SLC16A7: variants seen among roughly 807,000 people sequenced by gnomAD.
The protein encoded by SLC16A7 is monocarboxylate transporter 2.
Under a neutral mutation model 34.9 loss-of-function variants are expected in SLC16A7, and 33 were observed. That is an observed-to-expected ratio of 0.94 (90% CI 0.72 to 1.26). The LOEUF (loss-of-function observed/expected upper bound fraction) is 1.26. Among genes scored for constraint, SLC16A7 ranks in the 50% most tolerant of loss-of-function variants. The probability of loss-of-function intolerance (pLI) is 0.00; values close to 1 mark genes in which losing one functional copy is unlikely to be tolerated. For synonymous variants in SLC16A7, 201 were observed against 206.6 expected (o/e 0.97, Z 0.23); for missense variants, 573 against 578.1 (o/e 0.99, Z 0.09).
At chr12:59,627,257 G>GA (rs1879969333) in intron 1 of SLC16A7, among the ~76,000 whole-genome samples, 1 of 151,678 alleles carries the variant, frequency 6.6e-6, no homozygotes, top group Non-Finnish European at 1.5e-5. Flanking sequence ...CCTCAATGAT[G>GA]AAAAAAATCC....
chr12:59,621,365 G>A (rs1181206628), intron 1 of SLC16A7, among the ~76,000 whole-genome samples: 3 of 151,826 alleles, frequency 2.0e-5, no homozygotes, highest in Admixed American at 6.6e-5. Flanking sequence ...GATGATTTCT[G>A]GATTCCCTGG....
intron 2 of SLC16A7, among the ~76,000 whole-genome samples, chr12:59,677,582 C>A (rs1174848927): frequency 6.6e-6 from 1 of 152,146 alleles, no homozygotes; most frequent in Non-Finnish European, 1.5e-5. Context: ...CTTAATTGCT[C>A]TCAAATCTTC....
intron 1 of SLC16A7, among the ~76,000 whole-genome samples, chr12:59,626,504 T>A (rs1879937028): frequency 6.6e-6 from 1 of 151,808 alleles, no homozygotes; most frequent in Non-Finnish European, 1.5e-5. Context: ...ATTTGACAGA[T>A]GAGTACAACT....
intron 1 of SLC16A7, among the ~76,000 whole-genome samples, chr12:59,604,906 G>C (rs1442813032): frequency 6.6e-6 from 1 of 152,132 alleles, no homozygotes; most frequent in Non-Finnish European, 1.5e-5. Context: ...GAGTGCAGTG[G>C]CACAATCTTG....
intron 1 of SLC16A7, among the ~76,000 whole-genome samples, chr12:59,631,072 GA>G (rs1343149249): frequency 6.6e-6 from 1 of 151,932 alleles, no homozygotes; most frequent in Non-Finnish European, 1.5e-5. Flanking sequence ...TGGCAAGGGT[GA>G]GGTAGAGATT....
intron 1 of SLC16A7, among the ~76,000 whole-genome samples, chr12:59,602,122 GATCAGAGTACT>G (rs1223838944): frequency 6.6e-6 from 1 of 152,112 alleles, no homozygotes; most frequent in Non-Finnish European, 1.5e-5. Context: ...ATTTATTTGG[GATCAGAGTACT>G]TTCAGAGTAC....
intron 4 of SLC16A7, among the ~76,000 whole-genome samples, chr12:59,772,581 A>G (rs1882340253): frequency 6.6e-6 from 1 of 152,184 alleles, no homozygotes; most frequent in Non-Finnish European, 1.5e-5. Context: ...TTAAATCATT[A>G]TCAGCAAATA....
At chr12:59,711,178 C>T (rs142911297) in intron 3 of SLC16A7, among the ~76,000 whole-genome samples, 1 of 152,264 alleles carries the variant, frequency 6.6e-6, no homozygotes, top group Non-Finnish European at 1.5e-5. Context: ...CTGAGTGGAA[C>T]TATGTATCTG....
In SLC16A7 at chr12:59,719,317, T is replaced by G. The variant is rs1352865613; in HGVS notation, c.217+14299T>G. 2.6e-5 allele frequency among the ~76,000 whole-genome samples: 4 copies of G among 152,128 alleles called. No homozygotes were observed. In the South Asian group the frequency reaches 6.2e-4, roughly 24 times the overall value. The stretch of plus-strand genomic sequence containing the variant: ...ATATCAAGTCTAAGAAGAGATATAA[T>G]AAAACAATATGAAATCCTGAAGAGT... On this transcript the variant is annotated intron_variant, in intron 3 of 5. Transcript: ENST00000547379.
chr12:59,773,337 C>A (rs922776781), intron 4 of SLC16A7, among the ~76,000 whole-genome samples: 3 of 152,048 alleles, frequency 2.0e-5, no homozygotes, highest in Non-Finnish European at 4.4e-5. Flanking sequence ...TTTAGGGGTC[C>A]TCTTACTTAT....
chr12:59,724,153 CA>C (rs1386718381), intron 3 of SLC16A7, among the ~76,000 whole-genome samples: 11 of 152,028 alleles, frequency 7.2e-5, no homozygotes, highest in Admixed American at 6.6e-4. Flanking sequence ...TGTGCAAGTG[CA>C]GAGCAGCTTC....
intron 1 of SLC16A7, among the ~76,000 whole-genome samples, chr12:59,638,853 A>G (rs902754401): frequency 4.6e-5 from 7 of 152,166 alleles, no homozygotes; most frequent in Admixed American, 3.3e-4. Flanking sequence ...AACTGATTTG[A>G]GCCAGAATAG....
intron 3 of SLC16A7, among the ~76,000 whole-genome samples, chr12:59,731,039 A>G (rs1427228520): frequency 6.6e-6 from 1 of 152,186 alleles, no homozygotes; most frequent in Non-Finnish European, 1.5e-5. Flanking sequence ...CAGGTCCTCA[A>G]TGTGTTTATG....
intron 2 of SLC16A7, among the ~76,000 whole-genome samples, chr12:59,697,565 T>C (rs1872452143): frequency 6.6e-6 from 1 of 151,938 alleles, no homozygotes; most frequent in Admixed American, 6.6e-5. Context: ...TACTTGTATA[T>C]ACTGTAGTCA....
intron 3 of SLC16A7, among the ~76,000 whole-genome samples, chr12:59,741,447 G>A (rs2222878): frequency 0.076 from 11,639 of 152,196 alleles, 538 homozygotes; most frequent in South Asian, 0.17. Flanking sequence ...TTAGTCTTAG[G>A]AATAACAGGC....
intron 3 of SLC16A7, among the ~76,000 whole-genome samples, chr12:59,724,531 C>G (rs963909322): frequency 2.0e-5 from 3 of 151,774 alleles, no homozygotes; most frequent in African/African-American, 7.2e-5. Flanking sequence ...CAAAGTGCAA[C>G]ATGTATTTAC....
At chr12:59,597,840 AAC>A (rs1271754132) in intron 1 of SLC16A7, among the ~76,000 whole-genome samples, 1 of 152,196 alleles carries the variant, frequency 6.6e-6, no homozygotes, top group Non-Finnish European at 1.5e-5. Context: ...CAAATACAAC[AAC>A]AGTTTGCAGT....
rs1343516399 is a variant in SLC16A7, at chr12:59,775,188, C to T, written c.893C>T (p.Pro298Leu). Residue 298 changes from proline (P) to leucine (L), a missense_variant, in exon 5 of 6, where the codon CCT becomes CTT. By Grantham distance (98) the Pro-to-Leu change is moderately conservative (BLOSUM62 -3). Coordinates refer to ENST00000547379, the MANE Select transcript of SLC16A7 (RefSeq NM_001270623.2). ...VMAFVDMFAR[P>L]SVGLIANSKY... Reference sequence around the variant, plus strand: ...GCTTTCGTTGATATGTTTGCTAGGCCTTCTGTAGGATTAATTGCAAACTCC... The same window carrying T: ...GCTTTCGTTGATATGTTTGCTAGGCTTTCTGTAGGATTAATTGCAAACTCC... The T allele has an allele frequency of 1.2e-6, 2 of 1,614,010 alleles. No homozygotes were observed. Among genetic ancestry groups the T allele is most frequent in the African/African-American group, 1.3e-5 (1 of 74,908 alleles).
intron 3 of SLC16A7, among the ~76,000 whole-genome samples, chr12:59,709,968 C>G (rs917211954): frequency 3.3e-5 from 5 of 151,596 alleles, no homozygotes; most frequent in Admixed American, 3.3e-4. Context: ...TTCCCTTTCT[C>G]TACAGTTATA....
Sources: gnomAD v4.1 joint callset for allele counts (sites outside exome capture counted in the v4.1 genomes callset) on GRCh38, gnomAD v4.1.1 for gene constraint, MANE v1.5 for transcripts, NCBI Gene and HGNC (gene_info 2026-07-23, HGNC 2026-07-21) for gene names.